EDEM3: variants seen among roughly 807,000 people sequenced by gnomAD.
EDEM3 encodes ER degradation-enhancing alpha-mannosidase-like protein 3.
A neutral mutation model predicts 110.2 loss-of-function variants in EDEM3; 60 were observed. The ratio of observed to expected loss-of-function variants is 0.54; its 90% CI spans 0.44 to 0.67. The LOEUF (loss-of-function observed/expected upper bound fraction) is 0.67, where lower values mean the gene tolerates loss of function less well. EDEM3 is among the 30% of genes least tolerant of loss of function. The pLI is 0.00. For missense variants in EDEM3, 996 were observed against 1,121.0 expected, an observed-to-expected ratio of 0.89 and a Z score of 1.59; for synonymous variants, 352 against 382.9, an observed-to-expected ratio of 0.92 and a Z score of 0.94.
At chr1:184,749,073 A>G (rs1652604824) in intron 2 of EDEM3, among the ~76,000 whole-genome samples, 1 of 152,228 alleles carries the variant, frequency 6.6e-6, no homozygotes, top group South Asian at 2.1e-4. Flanking sequence ...TTTTTAAATA[A>G]TATGAATCAG....
At chr1:184,737,249 A>G (rs1041487153) in intron 3 of EDEM3, among the ~76,000 whole-genome samples, 185 bp from the exon 4 acceptor site, 3 of 152,244 alleles carry the variant, frequency 2.0e-5, no homozygotes, top group Non-Finnish European at 4.4e-5. Flanking sequence ...TTTATGTTCA[A>G]TGAATCTACG....
Position 184,712,595 on chromosome 1 carries a change from C to T in EDEM3, c.1374G>A (p.Met458Ile), listed in dbSNP as rs1203477213. The change falls in exon 14 of 20, where the codon ATG (methionine) becomes ATA (isoleucine). Residue 458 changes from methionine to isoleucine, a missense_variant. Physicochemically the swap from Met to Ile is conservative, Grantham distance 10 (BLOSUM62 1). Transcript: ENST00000318130. Reference protein sequence around the residue: ...DVRTGSHEDRMDSFFLAEMFK... With the variant: ...DVRTGSHEDRIDSFFLAEMFK... ...ACATTTCAGCCAAGAAGAAAGAATC[C>T]ATTCTAAAATAAAAAGTCACAAATA... The T allele has an allele frequency of 6.6e-7, 1 of 1,518,838 alleles. No individual in the cohort carries two copies. The highest frequency in any genetic ancestry group is 1.4e-5 in the African/African-American group (1 of 70,562). The allele number at this position is 1,518,838 out of a possible 1,614,324, so 94.1% of individuals were successfully genotyped here.
intron 18 of EDEM3, among the ~76,000 whole-genome samples, chr1:184,705,702 G>C (rs952716720): frequency 6.6e-6 from 1 of 152,038 alleles, no homozygotes; most frequent in Non-Finnish European, 1.5e-5. Flanking sequence ...CGGCAGGGGA[G>C]GGGGGAATCC....
At position 184,723,807 on chromosome 1, in the gene EDEM3, C is replaced by T. The variant is rs1330406712; in HGVS notation, c.797G>A (p.Ser266Asn). 1 of 1,589,230 alleles carries T rather than the reference C, an allele frequency of 6.3e-7. No individual in the cohort carries two copies. The highest frequency in any genetic ancestry group is 1.4e-5 in the African/African-American group (1 of 72,304). The change falls in exon 8 of 20, where the codon AGT becomes AAT. Residue 266 changes from serine to asparagine, a missense_variant. Around this residue, in one of 5 missense-constraint regions of EDEM3, gnomAD observed 310 missense variants for 394.6 expected, o/e 0.79. Coordinates refer to ENST00000318130, the MANE Select transcript of EDEM3 (RefSeq NM_025191.4). ...TATAGTCACGCCCACTAAATTACTA[C>T]TTCGCTGTCTTTTTTCCCAGAGAAA... ...LDFLWEKRQR[S>N]SNLVGVTINI...
intron 19 of EDEM3, among the ~76,000 whole-genome samples, chr1:184,700,443 T>C (rs916316338): frequency 6.6e-6 from 1 of 151,994 alleles, no homozygotes; most frequent in African/African-American, 2.4e-5. Flanking sequence ...TGTTAACTAG[T>C]ACCTGTAATG....
At chr1:184,704,313 C>T (rs1649790037) in intron 18 of EDEM3, among the ~76,000 whole-genome samples, 1 of 151,910 alleles carries the variant, frequency 6.6e-6, no homozygotes, top group Non-Finnish European at 1.5e-5. Context: ...TTGTCAGAAA[C>T]AAAAAACTCA....
Position 184,694,339 on chromosome 1 carries a change from A to C in EDEM3, c.2523T>G (p.Asn841Lys), listed in dbSNP as rs1649219920. Residue 841 changes from asparagine to lysine, a missense_variant, in exon 20 of 20, where the codon AAT (asparagine) becomes AAG (lysine). By Grantham distance (94) the Asn-to-Lys change is moderately conservative. Around this residue, in one of 5 missense-constraint regions of EDEM3, gnomAD observed 345 missense variants for 402.0 expected, o/e 0.86. Coordinates refer to ENST00000318130, the MANE Select transcript of EDEM3 (RefSeq NM_025191.4). Reference protein sequence around the residue: ...DQESSEENSLNSHPESLSLAD... With the variant: ...DQESSEENSLKSHPESLSLAD... ...CTAGAGATAATGATTCTGGGTGAGA[A>C]TTTAGAGAATTTTCCTCAGAAGACT... 1 of 1,612,842 alleles carries C rather than the reference A, an allele frequency of 6.2e-7. No homozygotes were observed. The highest frequency in any genetic ancestry group is 8.5e-7 in the Non-Finnish European group (1 of 1,179,566).
At position 184,748,829 on chromosome 1, in the gene EDEM3, G is replaced by A. The variant is rs527254020; in HGVS notation, c.204+718C>T. Among the ~76,000 whole-genome samples, 23 of 152,292 alleles carry A rather than the reference G, an allele frequency of 1.5e-4. No individual in the cohort carries two copies. The South Asian group carries it at 3.3e-3, about 22-fold the overall frequency. On this transcript the variant is annotated intron_variant, in intron 2 of 19. Transcript: ENST00000318130. ...AAACTTTCCCAACTACATTTTATAC[G>A]TTGTAATCATAGAAGAAAATCTGCT...
chr1:184,745,158 T>C (rs961333701), intron 2 of EDEM3, among the ~76,000 whole-genome samples: 7 of 152,124 alleles, frequency 4.6e-5, no homozygotes, highest in African/African-American at 1.4e-4. Flanking sequence ...AACGATCTGG[T>C]TCTACTGAAT....
At chr1:184,727,273 G>C (rs1558059990) in intron 6 of EDEM3, among the ~76,000 whole-genome samples, 2 of 152,178 alleles carry the variant, frequency 1.3e-5, no homozygotes, top group African/African-American at 2.4e-5. Context: ...CTGTGTGACA[G>C]AGCAAGACCT....
chr1:184,700,862 CTAAT>C (rs1266574436), intron 19 of EDEM3, among the ~76,000 whole-genome samples: 5 of 151,812 alleles, frequency 3.3e-5, no homozygotes, highest in South Asian at 2.1e-4. Context: ...TATCTTGTTG[CTAAT>C]TAATATAGCT....
chr1:184,725,949 G>A (rs1177118385), intron 7 of EDEM3, among the ~76,000 whole-genome samples: 2 of 152,150 alleles, frequency 1.3e-5, no homozygotes, highest in Admixed American at 6.5e-5. Flanking sequence ...ATAGTATTTC[G>A]TAAGACATTT....
In EDEM3 at chr1:184,725,275, T is replaced by C. The variant is rs1168800426; in HGVS notation, c.747+980A>G. ...TTCAAATTCAGAAAGACATGGATTC[T>C]AATTCCAACTCCATGCATCATCTAC... is the stretch of plus-strand genomic sequence containing the variant. On this transcript the variant is annotated intron_variant, in intron 7 of 19. Transcript: ENST00000318130. Among the ~76,000 whole-genome samples, 5 of 152,104 alleles carry C rather than the reference T, an allele frequency of 3.3e-5. No individual in the cohort carries two copies. The South Asian group carries it at 6.2e-4, about 19-fold the overall frequency.
At chr1:184,704,722 C>G (rs1026799410) in intron 18 of EDEM3, among the ~76,000 whole-genome samples, 90 of 134,064 alleles carry the variant, frequency 6.7e-4, no homozygotes, top group Admixed American at 1.5e-3. Flanking sequence ...TATTTATCCA[C>G]AGAACCCAGT....
At position 184,737,069 on chromosome 1, in the gene EDEM3, G is replaced by C; in HGVS notation, c.306-5C>G. 1 of 1,556,936 alleles carries C rather than the reference G, an allele frequency of 6.4e-7. No homozygotes were observed. Among genetic ancestry groups the C allele is most frequent in the Non-Finnish European group, 8.6e-7 (1 of 1,162,418 alleles). Reference sequence around the variant, plus strand: ...TCAATCAGTGTCAGAGAAAATCTAAGAAACAAGCGTTAACAAGATATAAAA... The same window carrying C: ...TCAATCAGTGTCAGAGAAAATCTAACAAACAAGCGTTAACAAGATATAAAA... On this transcript the variant is annotated splice_polypyrimidine_tract_variant and splice_region_variant and intron_variant, in intron 3 of 19. Coordinates refer to ENST00000318130, the MANE Select transcript of EDEM3 (RefSeq NM_025191.4).
At chr1:184,744,028 A>G (rs1652282716) in intron 2 of EDEM3, among the ~76,000 whole-genome samples, 1 of 151,632 alleles carries the variant, frequency 6.6e-6, no homozygotes. Context: ...GGCTAGGCAA[A>G]TATTTTTTAG....
In EDEM3 at chr1:184,712,417, T is replaced by C; in HGVS notation, c.1536+16A>G. 4 of 1,576,548 alleles carry C rather than the reference T, an allele frequency of 2.5e-6. No individual in the cohort carries two copies. In the South Asian group the frequency reaches 3.6e-5, roughly 14 times the overall value. ...GAAATAAAAAAGAGAATAAGACATT[T>C]CATTTAAAAACTCACTGTGTTCTTT... On this transcript the variant is annotated intron_variant, in intron 14 of 19. Coordinates refer to ENST00000318130, the MANE Select transcript of EDEM3 (RefSeq NM_025191.4).
chr1:184,738,884 T>C (rs111314735), intron 2 of EDEM3, among the ~76,000 whole-genome samples: 245 of 152,254 alleles, frequency 1.6e-3, no homozygotes, highest in African/African-American at 5.2e-3. Context: ...TTTAACTTTA[T>C]CTTGCTTTCA....
chr1:184,699,803 T>C (rs1334645021), intron 19 of EDEM3, among the ~76,000 whole-genome samples: 1 of 151,896 alleles, frequency 6.6e-6, no homozygotes, highest in Non-Finnish European at 1.5e-5. Flanking sequence ...TAAGGCACTA[T>C]AGGCTTACAC....
Sources: gnomAD v4.1 joint callset for allele counts (sites outside exome capture counted in the v4.1 genomes callset) on GRCh38, gnomAD v4.1.1 for gene constraint, gnomAD v4.1.1 regional missense constraint, MANE v1.5 for transcripts, NCBI Gene and HGNC (gene_info 2026-07-23, HGNC 2026-07-21) for gene names.